The following MAP3K20 variants were observed in gnomAD, a reference collection of about 807,000 sequenced individuals.
MAP3K20 encodes the protein mitogen-activated protein kinase kinase kinase 20.
Under a neutral mutation model 85.7 loss-of-function variants are expected in MAP3K20, and 40 were observed. That is an observed-to-expected ratio of 0.47 (90% CI 0.36 to 0.61). The LOEUF (loss-of-function observed/expected upper bound fraction) is 0.61, where lower values mean the gene tolerates loss of function less well. Ranked by LOEUF, MAP3K20 falls within the 20% of genes least tolerant of loss-of-function variation. The pLI is 0.00. For missense variants in MAP3K20, 817 were observed against 961.7 expected (o/e 0.85, Z 1.99); for synonymous variants, 325 against 327.7 (o/e 0.99, Z 0.09).
At chr2:173,231,535 CT>C (rs927248750) in intron 12 of MAP3K20, among the ~76,000 whole-genome samples, 1 of 152,204 alleles carries the variant, frequency 6.6e-6, no homozygotes, top group African/African-American at 2.4e-5. Flanking sequence ...AGTCTTTGCT[CT>C]GAGGCTGAGT....
intron 11 of MAP3K20, among the ~76,000 whole-genome samples, chr2:173,220,166 T>C (rs1684200993): frequency 6.6e-6 from 1 of 152,118 alleles, no homozygotes; most frequent in Non-Finnish European, 1.5e-5. Flanking sequence ...TGTATCCATA[T>C]TGAAACTATG....
At chr2:173,223,440 G>A in intron 11 of MAP3K20, 3 of 984,496 alleles carry the variant, frequency 3.0e-6, no homozygotes, top group Non-Finnish European at 3.6e-6. Flanking sequence ...AGTGGCTAAT[G>A]TTAGCTACTA....
chr2:173,134,929 A>G (rs1323124239), intron 2 of MAP3K20, among the ~76,000 whole-genome samples: 1 of 152,182 alleles, frequency 6.6e-6, no homozygotes, highest in East Asian at 1.9e-4. Context: ...TAGCTCAGCC[A>G]CGTGACTAGC....
chr2:173,225,824 C>A, intron 11 of MAP3K20: 1 of 984,786 alleles, frequency 1.0e-6, no homozygotes, highest in Non-Finnish European at 1.2e-6. Context: ...TGGTTTCTTT[C>A]TCCTTAGAAA....
chr2:173,111,734 A>G (rs571622400), intron 2 of MAP3K20, among the ~76,000 whole-genome samples: 53 of 152,216 alleles, frequency 3.5e-4, no homozygotes, highest in African/African-American at 1.2e-3. Flanking sequence ...AGTTGGCTGT[A>G]AGTATTTGGA....
At chr2:173,240,847 C>T (rs572379522) in intron 16 of MAP3K20, among the ~76,000 whole-genome samples, 1 of 152,110 alleles carries the variant, frequency 6.6e-6, no homozygotes, top group African/African-American at 2.4e-5. Flanking sequence ...GCACAAAATC[C>T]AACATTTGGA....
At chr2:173,183,355 A>C (rs1204597752) in intron 4 of MAP3K20, among the ~76,000 whole-genome samples, 2 of 152,216 alleles carry the variant, frequency 1.3e-5, no homozygotes, top group African/African-American at 4.8e-5. Context: ...AGTTCTACTC[A>C]TTTTGTATAC....
intron 2 of MAP3K20, among the ~76,000 whole-genome samples, chr2:173,146,125 G>A (rs545542342): frequency 6.6e-6 from 1 of 152,114 alleles, no homozygotes; most frequent in African/African-American, 2.4e-5. Context: ...TCATACATAG[G>A]TGCATATATT....
At chr2:173,108,136 T>TTTA (rs537406502) in intron 2 of MAP3K20, among the ~76,000 whole-genome samples, 4 of 129,820 alleles carry the variant, frequency 3.1e-5, no homozygotes, top group Non-Finnish European at 5.5e-5. Context: ...GATTTTTATT[T>TTTA]TTTTTTTTAT....
chr2:173,159,613 C>G (rs1263027312), intron 2 of MAP3K20, among the ~76,000 whole-genome samples: 1 of 152,274 alleles, frequency 6.6e-6, no homozygotes, highest in South Asian at 2.1e-4. Context: ...TGGTCTTGAA[C>G]TCCTGAGCTC....
intron 2 of MAP3K20, among the ~76,000 whole-genome samples, chr2:173,160,666 T>C (rs1033593844): frequency 6.6e-6 from 1 of 152,242 alleles, no homozygotes; most frequent in Non-Finnish European, 1.5e-5. Context: ...TTTGACGTTA[T>C]AGATTTGTAA....
intron 16 of MAP3K20, among the ~76,000 whole-genome samples, chr2:173,250,109 T>G (rs926480758): frequency 1.1e-4 from 16 of 152,376 alleles, no homozygotes; most frequent in East Asian, 5.8e-4. Context: ...CAAGTTTTAT[T>G]TGATTCTTTC....
chr2:173,122,481 G>A (rs1374677642), intron 2 of MAP3K20, among the ~76,000 whole-genome samples: 1 of 152,128 alleles, frequency 6.6e-6, no homozygotes, highest in African/African-American at 2.4e-5. Context: ...AGGCCTCTTT[G>A]GTGAAGGCTT....
intron 3 of MAP3K20, among the ~76,000 whole-genome samples, chr2:173,174,488 G>A (rs1690097751): frequency 6.6e-6 from 1 of 152,170 alleles, no homozygotes; most frequent in African/African-American, 2.4e-5. Context: ...TTAGTTTGCT[G>A]AGAATGATGG....
intron 10 of MAP3K20, among the ~76,000 whole-genome samples, chr2:173,216,182 C>T (rs1684066094): frequency 6.6e-6 from 1 of 152,122 alleles, no homozygotes; most frequent in South Asian, 2.1e-4. Context: ...AACATTGCAA[C>T]AGCCCTAAAG....
In MAP3K20 at chr2:173,131,479, C is replaced by T. The variant is rs73021642; in HGVS notation, c.160-38326C>T. ...CAGAGATAGGAACCATGAAACCAGTCATATATACAAGTAGTTGTTTTTGAA... is the reference window on the plus strand; with the variant it reads ...CAGAGATAGGAACCATGAAACCAGTTATATATACAAGTAGTTGTTTTTGAA... On this transcript the variant is annotated intron_variant, in intron 2 of 19. Transcript: ENST00000375213. 7.5e-3 allele frequency among the ~76,000 whole-genome samples: 1,145 copies of T among 152,152 alleles called. 13 individuals carry two copies. The highest frequency in any genetic ancestry group is 0.026 in the African/African-American group (1,077 of 41,490).
At chr2:173,144,367 G>A (rs1689065808) in intron 2 of MAP3K20, among the ~76,000 whole-genome samples, 1 of 151,308 alleles carries the variant, frequency 6.6e-6, no homozygotes, top group Admixed American at 6.6e-5. Context: ...GGAGGCTGAG[G>A]CAGGAGAATG....
chr2:173,098,004 T>C (rs1687512320), intron 2 of MAP3K20, among the ~76,000 whole-genome samples: 1 of 152,226 alleles, frequency 6.6e-6, no homozygotes, highest in South Asian at 2.1e-4. Context: ...TTTTTATTAA[T>C]AAATTCTTTA....
chr2:173,247,904 A>G (rs1416185627), intron 16 of MAP3K20, among the ~76,000 whole-genome samples: 4 of 152,190 alleles, frequency 2.6e-5, no homozygotes, highest in Non-Finnish European at 4.4e-5. Flanking sequence ...CTCAAGTCCA[A>G]GGGAGACAGC....
Sources: gnomAD v4.1 joint callset for allele counts (sites outside exome capture counted in the v4.1 genomes callset) on GRCh38, gnomAD v4.1.1 for gene constraint, MANE v1.5 for transcripts, NCBI Gene and HGNC (gene_info 2026-07-23, HGNC 2026-07-21) for gene names.